Variants in CFAP119 observed in about 807,000 individuals in gnomAD.
The protein encoded by CFAP119 is cilia- and flagella-associated protein 119.
chr16:30,762,050 A>T, the CFAP119 span: 1 of 462,750 alleles, frequency 2.2e-6, no homozygotes, highest in Non-Finnish European at 3.8e-6. Flanking sequence ...CCTCTCTTCC[A>T]GGTTGCTAAT....
At chr16:30,760,889 T>A in the CFAP119 span, 1 of 620,806 alleles carries the variant, frequency 1.6e-6, no homozygotes. Context: ...AATTCTTTTT[T>A]CTGCTCTGCC....
chr16:30,759,946 G>A, the CFAP119 span: 2 of 1,443,390 alleles, frequency 1.4e-6, no homozygotes, highest in Admixed American at 5.5e-5. Context: ...CCCTTACGAA[G>A]CTTATATTCT....
the CFAP119 span, chr16:30,757,424 G>A: frequency 4.4e-6 from 7 of 1,584,862 alleles, no homozygotes; most frequent in Admixed American, 3.4e-5. Context: ...TCAGCAGGGT[G>A]CAGGGATGGT....
chr16:30,760,377 G>C, the CFAP119 span: 1 of 1,614,204 alleles, frequency 6.2e-7, no homozygotes, highest in Non-Finnish European at 8.5e-7. Flanking sequence ...ATGAGCGCGT[G>C]GCAGAAGAGG....
chr16:30,761,465 G>C, the CFAP119 span: 1 of 1,518,182 alleles, frequency 6.6e-7, no homozygotes, highest in African/African-American at 1.4e-5. Flanking sequence ...CCGAACGTTA[G>C]TAAGCATAAT....
the CFAP119 span, chr16:30,760,727 A>G: frequency 6.8e-7 from 1 of 1,471,278 alleles, no homozygotes; most frequent in Non-Finnish European, 9.3e-7. Flanking sequence ...CAAGGCTGTG[A>G]CAGCTAGTGC....
chr16:30,761,386 A>C, the CFAP119 span: 51 of 1,367,646 alleles, frequency 3.7e-5, no homozygotes, highest in African/African-American at 6.0e-4. Flanking sequence ...TAGGTGCTCT[A>C]CGCGAGCACA....
At chr16:30,760,655 C>T in the CFAP119 span, 124 of 1,551,746 alleles carry the variant, frequency 8.0e-5, 1 homozygote, top group East Asian at 7.8e-4. Flanking sequence ...ATGGAATGGA[C>T]GTCCAGGTAC....
the CFAP119 span, chr16:30,760,671 G>T: frequency 6.5e-7 from 1 of 1,528,948 alleles, no homozygotes; most frequent in South Asian, 1.2e-5. Flanking sequence ...GGTACTTCCT[G>T]TTATAGTAAA....
the CFAP119 span, chr16:30,758,535 A>G: frequency 1.5e-5 from 3 of 203,964 alleles, no homozygotes; most frequent in South Asian, 2.3e-4. Flanking sequence ...CTCTGGAGCC[A>G]CTTCAGCTGT....
the CFAP119 span, chr16:30,757,812 TGA>T: frequency 2.7e-5 from 38 of 1,417,690 alleles, 1 homozygote; most frequent in South Asian, 5.9e-4. Context: ...AGCCCTTGTG[TGA>T]GAGGTAGTTG....
At chr16:30,759,926 C>T in the CFAP119 span, 1 of 1,439,410 alleles carries the variant, frequency 6.9e-7, no homozygotes, top group South Asian at 1.5e-5. Flanking sequence ...ACAAGACAGA[C>T]AAGGTCCTGC....
the CFAP119 span, chr16:30,759,483 A>G: frequency 9.3e-6 from 15 of 1,613,902 alleles, no homozygotes; most frequent in Non-Finnish European, 1.2e-5. Context: ...CGGAATTAGA[A>G]CCCTGACTAC....
At chr16:30,760,157 A>G in the CFAP119 span, 2 of 1,584,806 alleles carry the variant, frequency 1.3e-6, no homozygotes, top group Non-Finnish European at 8.5e-7. Context: ...TGGCTTGTGT[A>G]TGATGATGCT....
the CFAP119 span, chr16:30,758,466 ACCCATC>A: frequency 1.2e-5 from 2 of 168,178 alleles, no homozygotes; most frequent in African/African-American, 4.8e-5. Flanking sequence ...GGTTTGCTTT[ACCCATC>A]AACCCATCAT....
the CFAP119 span, chr16:30,761,672 C>A: frequency 6.5e-7 from 1 of 1,535,896 alleles, no homozygotes; most frequent in South Asian, 1.2e-5. Flanking sequence ...CCCCGCTTCC[C>A]GCCGCAGCTC....
chr16:30,759,556 G>T, the CFAP119 span: 1 of 1,614,134 alleles, frequency 6.2e-7, no homozygotes, highest in South Asian at 1.1e-5. Context: ...GCCCACTGGG[G>T]TCTTCACAAG....
the CFAP119 span, chr16:30,758,923 C>CA: frequency 6.5e-7 from 1 of 1,544,848 alleles, no homozygotes; most frequent in South Asian, 1.2e-5. Flanking sequence ...TGACTAAAAA[C>CA]AAAAAGTCTG....
the CFAP119 span, chr16:30,761,485 C>T: frequency 6.5e-7 from 1 of 1,529,322 alleles, no homozygotes; most frequent in Non-Finnish European, 8.8e-7. Context: ...TGACAGGTGG[C>T]GCCTGCGGGG....
Sources: gnomAD v4.1 joint callset for allele counts on GRCh38, gnomAD v4.1.1 for gene constraint, MANE v1.5 for transcripts, NCBI Gene and HGNC (gene_info 2026-07-23, HGNC 2026-07-21) for gene names.